TBC1D2: variants seen among roughly 807,000 people sequenced by gnomAD.
TBC1D2 encodes TBC1 domain family member 2A.
Under a neutral mutation model 91.1 loss-of-function variants are expected in TBC1D2, and 58 were observed. That is an observed-to-expected ratio of 0.64 (90% CI 0.52 to 0.79). The LOEUF is 0.79. TBC1D2 is among the 30% of genes least tolerant of loss of function. The probability of loss-of-function intolerance (pLI) is 0.00; values close to 1 mark genes in which losing one functional copy is unlikely to be tolerated. For missense variants in TBC1D2, 1,080 were observed against 1,208.3 expected (o/e 0.89, Z 1.57); for synonymous variants, 482 against 511.5 (o/e 0.94, Z 0.78).
rs1829881484 is a variant in TBC1D2, at chr9:98,251,876, C to T, written c.420G>A (p.Lys140=). ...MLYWLQQLQM[K]RWEFHNSPPA... is the part of the protein sequence containing the mutation. Reference sequence around the variant, plus strand: ...GCGGGCTGTTGTGGAATTCCCAGCGCTTCATCTGCAGCTGCTGCAGCCAGT... The same window carrying T: ...GCGGGCTGTTGTGGAATTCCCAGCGTTTCATCTGCAGCTGCTGCAGCCAGT... The change falls in exon 2 of 13, where the codon AAG becomes AAA. Residue 140 remains lysine (K), a synonymous_variant. Transcript: ENST00000465784. The T allele has an allele frequency of 1.9e-6, 3 of 1,603,224 alleles. No individual in the cohort carries two copies. The highest frequency in any genetic ancestry group is 1.7e-6 in the Non-Finnish European group (2 of 1,175,882).
In TBC1D2 at chr9:98,209,162, C is replaced by T. The variant is rs755991008; in HGVS notation, c.1674-18G>A. The T allele has an allele frequency of 1.0e-5, 16 of 1,599,988 alleles. No homozygotes were observed. The highest frequency in any genetic ancestry group is 4.0e-5 in the African/African-American group (3 of 74,680). On this transcript the variant is annotated intron_variant, in intron 8 of 12. Coordinates refer to ENST00000465784, the MANE Select transcript of TBC1D2 (RefSeq NM_001267571.2). ...CATACTTACTGCCAGCAAAAGTGCA[C>T]GTTAGCAACACCTTGCAGAGCCCTT... is the stretch of plus-strand genomic sequence containing the variant.
At chr9:98,248,932 G>C (rs1317102450) in intron 2 of TBC1D2, among the ~76,000 whole-genome samples, 1 of 152,222 alleles carries the variant, frequency 6.6e-6, no homozygotes, top group Non-Finnish European at 1.5e-5. Context: ...GAGAGAACAT[G>C]CCTTGCAGAT....
Position 98,239,431 on chromosome 9 carries a change from G to C in TBC1D2, c.647+4563C>G, listed in dbSNP as rs187797247. On this transcript the variant is annotated intron_variant, in intron 3 of 12. Transcript: ENST00000465784. ...ATGCTTTTTCTCAGTCTACTGAAAT[G>C]ATGTGGTTTTTCACCTTCTTCTTAT... is the stretch of plus-strand genomic sequence containing the variant. Among the ~76,000 whole-genome samples, 4 of 152,312 alleles carry C rather than the reference G, an allele frequency of 2.6e-5. No individual in the cohort carries two copies. The East Asian group carries it at 7.7e-4, about 29-fold the overall frequency.
chr9:98,210,981 AGGGAAAGGAGAT>A (rs1288296731), intron 7 of TBC1D2, 138 bp from the exon 8 acceptor site: 1 of 824,588 alleles, frequency 1.2e-6, no homozygotes, highest in Non-Finnish European at 1.9e-6. Context: ...CCTTCGTATA[AGGGAAAGGAGAT>A]GGGCCCTGAG....
intron 6 of TBC1D2, among the ~76,000 whole-genome samples, chr9:98,218,244 G>C (rs561455308): frequency 6.6e-6 from 1 of 151,810 alleles, no homozygotes; most frequent in Non-Finnish European, 1.5e-5. Context: ...CACATACCCA[G>C]AGTCTCCATG....
At chr9:98,236,411 C>T (rs760809432) in intron 3 of TBC1D2, among the ~76,000 whole-genome samples, 1 of 152,142 alleles carries the variant, frequency 6.6e-6, no homozygotes, top group Non-Finnish European at 1.5e-5. Flanking sequence ...TTAGTAGAGA[C>T]AGGGTTTTGC....
rs1344056591 is a variant in TBC1D2 at position 98,251,903 on chromosome 9, C to G, written c.393G>C (p.Leu131=). The part of the protein sequence containing the change: ...TLKAATKQAM[L]YWLQQLQMKR... The stretch of plus-strand genomic sequence containing the variant: ...TCATCTGCAGCTGCTGCAGCCAGTA[C>G]AGCATCGCTTGCTTGGTGGCGGCCT... The change falls in exon 2 of 13, where the codon CTG becomes CTC. Residue 131 remains leucine, a synonymous_variant. Coordinates refer to ENST00000465784, the MANE Select transcript of TBC1D2 (RefSeq NM_001267571.2). 5 of 1,600,290 alleles carry G rather than the reference C, an allele frequency of 3.1e-6. No homozygotes were observed. In the African/African-American group the frequency reaches 4.1e-5, roughly 13 times the overall value.
At chr9:98,236,484 A>G (rs1829508626) in intron 3 of TBC1D2, among the ~76,000 whole-genome samples, 1 of 151,834 alleles carries the variant, frequency 6.6e-6, no homozygotes, top group African/African-American at 2.4e-5. Context: ...TGGCTTCCCA[A>G]AGTTCTGGGA....
chr9:98,236,822 T>C (rs1291818813), intron 3 of TBC1D2, among the ~76,000 whole-genome samples: 1 of 152,200 alleles, frequency 6.6e-6, no homozygotes, highest in African/African-American at 2.4e-5. Flanking sequence ...TTCTACTTGA[T>C]GAGTATTAAA....
At position 98,255,226 on chromosome 9, in the gene TBC1D2, C is replaced by T; in HGVS notation, c.316G>A (p.Ala106Thr). 6.2e-7 allele frequency: 1 copy of T among 1,613,504 alleles called. No homozygotes were observed. The highest frequency in any genetic ancestry group is 8.5e-7 in the Non-Finnish European group (1 of 1,179,574). The change falls in exon 1 of 13, where the codon GCT becomes ACT. Residue 106 changes from alanine (A) to threonine (T), a missense_variant. Ala to Thr is a moderately conservative substitution (Grantham distance 58). Coordinates refer to ENST00000465784, the MANE Select transcript of TBC1D2 (RefSeq NM_001267571.2). ...TTGATTTCGAAGATCCCCTCCTCAG[C>T]GTCCGCCTTACAGTCAAACACTGCA... Reference protein sequence around the residue: ...SSAVFDCKADAEEGIFEIKTP... With the variant: ...SSAVFDCKADTEEGIFEIKTP...
chr9:98,243,733 C>T (rs141855772), intron 3 of TBC1D2, among the ~76,000 whole-genome samples: 15,545 of 152,028 alleles, frequency 0.1, 1,004 homozygotes, highest in Admixed American at 0.15. Flanking sequence ...GAAGGGGTTT[C>T]GCTATGTTGG....
chr9:98,206,321 A>G (rs151201302), intron 9 of TBC1D2, among the ~76,000 whole-genome samples: 2,507 of 152,330 alleles, frequency 0.016, 102 homozygotes, highest in Admixed American at 0.1. Context: ...CTGCATTTGC[A>G]TATCAAATTT....
chr9:98,231,498 T>G (rs563840277), intron 4 of TBC1D2, among the ~76,000 whole-genome samples: 1 of 152,152 alleles, frequency 6.6e-6, no homozygotes, highest in Non-Finnish European at 1.5e-5. Flanking sequence ...TGTTGAGATA[T>G]TCAACACTTT....
intron 5 of TBC1D2, among the ~76,000 whole-genome samples, chr9:98,226,228 G>A (rs7025781): frequency 0.43 from 65,890 of 152,116 alleles, 17,163 homozygotes; most frequent in African/African-American, 0.74. Flanking sequence ...AATGTGGAAT[G>A]AAGACCTAAG....
At chr9:98,248,576 C>T (rs1829812673) in intron 2 of TBC1D2, among the ~76,000 whole-genome samples, 1 of 152,192 alleles carries the variant, frequency 6.6e-6, no homozygotes, top group South Asian at 2.1e-4. Context: ...AGTCTGCAGC[C>T]TAGGGTTTGA....
intron 6 of TBC1D2, among the ~76,000 whole-genome samples, chr9:98,217,904 C>T (rs1371851791): frequency 6.6e-6 from 1 of 151,720 alleles, no homozygotes; most frequent in Non-Finnish European, 1.5e-5. Flanking sequence ...TTTTTAGAGA[C>T]AGGGTCTTGC....
At chr9:98,199,959 A>G (rs140967499) in intron 12 of TBC1D2, among the ~76,000 whole-genome samples, 116 of 152,320 alleles carry the variant, frequency 7.6e-4, no homozygotes, top group African/African-American at 2.6e-3. Context: ...CAAAAGCCCA[A>G]AGGTGGGGTT....
At chr9:98,251,241 A>C (rs1003508166) in intron 2 of TBC1D2, among the ~76,000 whole-genome samples, 4 of 151,992 alleles carry the variant, frequency 2.6e-5, no homozygotes, top group Non-Finnish European at 4.4e-5. Flanking sequence ...CAGTGAGCCG[A>C]GATTGCACCA....
At chr9:98,253,450 C>T (rs1224963486) in intron 1 of TBC1D2, among the ~76,000 whole-genome samples, 1 of 152,216 alleles carries the variant, frequency 6.6e-6, no homozygotes, top group Non-Finnish European at 1.5e-5. Flanking sequence ...TTGCCCTTCC[C>T]CTAGTTTCTT....
Sources: gnomAD v4.1 joint callset for allele counts (sites outside exome capture counted in the v4.1 genomes callset) on GRCh38, gnomAD v4.1.1 for gene constraint, MANE v1.5 for transcripts, NCBI Gene and HGNC (gene_info 2026-07-23, HGNC 2026-07-21) for gene names.